EIF4E: variants seen among roughly 807,000 people sequenced by gnomAD.
The protein encoded by EIF4E is eukaryotic translation initiation factor 4E, also known as eIF-4F 25 kDa subunit.
For missense variants in EIF4E, 113 were observed against 265.6 expected (o/e 0.43, Z 3.99); for synonymous variants, 71 against 88.5 (o/e 0.80, Z 1.11).
intron 1 of EIF4E, among the ~76,000 whole-genome samples, chr4:98,920,808 C>A (rs56149254): frequency 4.3e-3 from 653 of 152,168 alleles, no homozygotes; most frequent in Non-Finnish European, 6.5e-3. Context: ...CCTCCTAATC[C>A]CACCATCCAT....
intron 1 of EIF4E, chr4:98,909,494 G>A (rs1725014481): frequency 1.7e-6 from 1 of 576,570 alleles, no homozygotes; most frequent in East Asian, 3.0e-5. Flanking sequence ...ATGTAAACTG[G>A]ACCCCATGAT....
intron 1 of EIF4E, among the ~76,000 whole-genome samples, chr4:98,919,751 G>A (rs1725567116): frequency 3.3e-5 from 5 of 151,668 alleles, no homozygotes; most frequent in Admixed American, 3.3e-4. Context: ...TAGAGATGGG[G>A]TTTCACCATG....
chr4:98,892,541 G>T (rs998908748), intron 2 of EIF4E, among the ~76,000 whole-genome samples: 1 of 150,828 alleles, frequency 6.6e-6, no homozygotes, highest in Non-Finnish European at 1.5e-5. Context: ...ATTTAGCCAG[G>T]CCTGGTGGTA....
intron 1 of EIF4E, among the ~76,000 whole-genome samples, chr4:98,911,731 A>T (rs1482483179): frequency 6.6e-6 from 1 of 150,682 alleles, no homozygotes; most frequent in Non-Finnish European, 1.5e-5. Context: ...AAATTTTTTT[A>T]AAGAACATTC....
intron 1 of EIF4E, among the ~76,000 whole-genome samples, chr4:98,904,795 T>A (rs1483244306): frequency 6.6e-6 from 1 of 152,054 alleles, no homozygotes; most frequent in African/African-American, 2.4e-5. Flanking sequence ...AAAGGACACA[T>A]GATTTTGTAC....
intron 1 of EIF4E, among the ~76,000 whole-genome samples, chr4:98,907,333 A>G (rs1185070845): frequency 2.6e-5 from 4 of 152,178 alleles, no homozygotes; most frequent in South Asian, 4.1e-4. Context: ...TCTGTACTGA[A>G]GGCATCATAT....
intron 2 of EIF4E, 91 bp downstream of exon 2, chr4:98,901,785 A>T: frequency 8.6e-7 from 1 of 1,163,422 alleles, no homozygotes; most frequent in Non-Finnish European, 1.3e-6. Context: ...ATCTAAAACT[A>T]GTCTCATAAT....
chr4:98,925,041 G>C (rs1287373528), intron 1 of EIF4E, among the ~76,000 whole-genome samples: 1 of 152,096 alleles, frequency 6.6e-6, no homozygotes, highest in Non-Finnish European at 1.5e-5. Context: ...GCATTCAATT[G>C]TTCATTAATA....
Position 98,891,428 on chromosome 4 carries a change from T to A in EIF4E, c.126-96A>T, listed in dbSNP as rs1388287692. On this transcript the variant is annotated intron_variant, in intron 2 of 6. Transcript: ENST00000450253. ...AGTCAAAAGGTAGAAGCAACCCACCTGTCCATCAACAGATGAATGAAAAAT... is the reference window on the plus strand; with the variant it reads ...AGTCAAAAGGTAGAAGCAACCCACCAGTCCATCAACAGATGAATGAAAAAT... 3.9e-6 allele frequency: 4 copies of A among 1,033,898 alleles called. No homozygotes were observed. The East Asian group carries it at 7.7e-5, about 20-fold the overall frequency. 64.0% of individuals were successfully genotyped at this position (1,033,898 alleles called of 1,614,324 possible). A position where few individuals can be genotyped will look rare whatever the true frequency, so the allele number is the denominator to read the frequency against.
At chr4:98,881,517 A>C (rs986708337) in intron 6 of EIF4E, among the ~76,000 whole-genome samples, 7 of 152,182 alleles carry the variant, frequency 4.6e-5, no homozygotes, top group Admixed American at 1.3e-4. Flanking sequence ...TAATCAAATA[A>C]TCACAAATAC....
At position 98,881,539 on chromosome 4, in the gene EIF4E, G is replaced by C. The variant is rs539154879; in HGVS notation, c.540-397C>G. Among the ~76,000 whole-genome samples, 5 of 152,184 alleles carry C rather than the reference G, an allele frequency of 3.3e-5. No homozygotes were observed. In the South Asian group the frequency reaches 8.3e-4, roughly 25 times the overall value. On this transcript the variant is annotated intron_variant, in intron 6 of 6. Transcript: ENST00000450253. ...ATAATCACAAATACATGACAGACCT[G>C]TATCACATGCATACTTAAAAACAGA...
intron 6 of EIF4E, among the ~76,000 whole-genome samples, chr4:98,882,188 C>G (rs926596102): frequency 1.3e-4 from 19 of 151,626 alleles, no homozygotes; most frequent in African/African-American, 4.4e-4. Context: ...GTCAGGAGAT[C>G]GAGACCATCC....
At chr4:98,922,570 G>T (rs956810843) in intron 1 of EIF4E, among the ~76,000 whole-genome samples, 2 of 147,222 alleles carry the variant, frequency 1.4e-5, no homozygotes, top group African/African-American at 5.0e-5. Flanking sequence ...AAAAAAAAAA[G>T]AAATAAATGA....
At position 98,880,915 on chromosome 4, in the gene EIF4E, T is replaced by C; in HGVS notation, c.*113A>G. 3 of 1,524,790 alleles carry C rather than the reference T, an allele frequency of 2.0e-6. No homozygotes were observed. Among genetic ancestry groups the C allele is most frequent in the East Asian group, 2.4e-5 (1 of 41,272 alleles). 94.5% of individuals were successfully genotyped at this position (1,524,790 alleles called of 1,614,324 possible). ...CTCTTATATCTGAGTAACATTAAGA[T>C]GGAAATCAAATTTAAATGCAGTCCA... On this transcript the variant is annotated 3_prime_UTR_variant, in exon 7 of 7. Transcript: ENST00000450253.
At position 98,879,682 on chromosome 4, in the gene EIF4E, CTT is replaced by C. The variant is rs756906674; in HGVS notation, c.*1344_*1345del. The C allele has an allele frequency of 7.9e-5, 12 of 152,124 alleles. No homozygotes were observed. The highest frequency in any genetic ancestry group is 1.6e-4 in the Non-Finnish European group (11 of 67,990). The allele number at this position is 152,124 out of a possible 1,614,324, so 9.4% of individuals were successfully genotyped here. Reference sequence around the variant, plus strand: ...CTTTCCCTACACTATCATTTTGACACTTAACATAGAAACAACTCAATTCAGCA... The same window carrying C: ...CTTTCCCTACACTATCATTTTGACACAACATAGAAACAACTCAATTCAGCA... On this transcript the variant is annotated 3_prime_UTR_variant, in exon 7 of 7. Coordinates refer to ENST00000450253, the MANE Select transcript of EIF4E (RefSeq NM_001968.5).
rs189870434 is a variant in EIF4E at position 98,902,159 on chromosome 4, C to T, written c.19-177G>A. Among the ~76,000 whole-genome samples, 637 of 152,220 alleles carry T rather than the reference C, an allele frequency of 4.2e-3. 4 individuals carry two copies. Among genetic ancestry groups the T allele is most frequent in the African/African-American group, 0.015 (608 of 41,534 alleles). On this transcript the variant is annotated intron_variant, in intron 1 of 6. Transcript: ENST00000450253. ...TCTTGGCTCACTGCAACCTCCTCCTCCTCCCAGGTTCAAGCAGTTCTCCTG... is the reference window on the plus strand; with the variant it reads ...TCTTGGCTCACTGCAACCTCCTCCTTCTCCCAGGTTCAAGCAGTTCTCCTG...
intron 6 of EIF4E, among the ~76,000 whole-genome samples, chr4:98,883,593 C>CG (rs1232042783): frequency 6.6e-6 from 1 of 151,470 alleles, no homozygotes; most frequent in Non-Finnish European, 1.5e-5. Flanking sequence ...TTAGTAGAGA[C>CG]GGGGTTTCAC....
At chr4:98,902,121 T>G in intron 1 of EIF4E, 139 bp from the exon 2 acceptor site, 1 of 691,780 alleles carries the variant, frequency 1.4e-6, no homozygotes, top group Non-Finnish European at 2.4e-6. Context: ...CAGGCTGGAG[T>G]GCAGTCGTGC....
In EIF4E at chr4:98,880,887, C is replaced by G. The variant is rs1723661711; in HGVS notation, c.*141G>C. ...AAGTACAAGACAAAGGCGAATGAGA[C>G]TTCTCTTATATCTGAGTAACATTAA... is the stretch of plus-strand genomic sequence containing the variant. On this transcript the variant is annotated 3_prime_UTR_variant, in exon 7 of 7. Coordinates refer to ENST00000450253, the MANE Select transcript of EIF4E (RefSeq NM_001968.5). The G allele has an allele frequency of 1.4e-6, 2 of 1,392,812 alleles. No homozygotes were observed. Among genetic ancestry groups the G allele is most frequent in the Non-Finnish European group, 1.9e-6 (2 of 1,047,556 alleles). 86.3% of individuals were successfully genotyped at this position (1,392,812 alleles called of 1,614,324 possible).
Sources: allele counts gnomAD v4.1 joint callset (sites outside exome capture counted in the v4.1 genomes callset), GRCh38; gene constraint gnomAD v4.1.1; transcripts MANE v1.5; gene names NCBI Gene and HGNC (gene_info 2026-07-23, HGNC 2026-07-21).